ALK: variants seen among roughly 807,000 people sequenced by gnomAD.
ALK encodes the protein ALK tyrosine kinase receptor.
In ALK, 74 loss-of-function variants were observed where a neutral mutation model predicts 163.1. That is an observed-to-expected ratio of 0.45 (90% CI 0.38 to 0.55). ALK has a LOEUF of 0.55. ALK is among the 20% of genes least tolerant of loss of function. ALK has a pLI of 0.00. For synonymous variants in ALK, 960 were observed against 843.2 expected, an observed-to-expected ratio of 1.14 and a Z score of -2.40; for missense variants, 2,063 against 2,105.3, an observed-to-expected ratio of 0.98 and a Z score of 0.39.
intron 1 of ALK, among the ~76,000 whole-genome samples, chr2:29,888,262 A>G (rs4992691): frequency 1.7e-4 from 13 of 78,536 alleles, no homozygotes; most frequent in Non-Finnish European, 3.7e-4. Flanking sequence ...TTTTTTTTTT[A>G]AAAAAAGGGA....
intron 7 of ALK, 44 bp downstream of exon 7, chr2:29,320,707 G>A: frequency 6.2e-7 from 1 of 1,611,710 alleles, no homozygotes; most frequent in Non-Finnish European, 8.5e-7. Context: ...GTCTATGTGG[G>A]CATGAAGATG....
intron 3 of ALK, among the ~76,000 whole-genome samples, chr2:29,603,248 A>C (rs1319705901): frequency 6.6e-6 from 1 of 152,192 alleles, no homozygotes; most frequent in Non-Finnish European, 1.5e-5. Flanking sequence ...AGTTTCAGCT[A>C]ATCTTGTCAG....
intron 4 of ALK, among the ~76,000 whole-genome samples, chr2:29,431,796 C>T (rs1558321148): frequency 6.6e-6 from 1 of 152,036 alleles, no homozygotes. Context: ...AAAGCTTCTC[C>T]CAAAAGGTTC....
intron 3 of ALK, among the ~76,000 whole-genome samples, chr2:29,552,360 T>C (rs1017317546): frequency 3.3e-5 from 5 of 152,168 alleles, no homozygotes; most frequent in Non-Finnish European, 5.9e-5. Flanking sequence ...TGGGGGTGTA[T>C]ATGCAGGAAT....
intron 1 of ALK, among the ~76,000 whole-genome samples, chr2:29,916,201 G>C (rs565928937): frequency 6.6e-6 from 1 of 152,186 alleles, no homozygotes; most frequent in Non-Finnish European, 1.5e-5. Context: ...CATAGTCAGA[G>C]GAATATCAAT....
At chr2:29,912,429 T>G (rs1354340245) in intron 1 of ALK, among the ~76,000 whole-genome samples, 2 of 151,974 alleles carry the variant, frequency 1.3e-5, no homozygotes, top group East Asian at 3.8e-4. Context: ...AGTTAAAGTG[T>G]GGAAAGAAAG....
intron 5 of ALK, among the ~76,000 whole-genome samples, chr2:29,366,864 C>G (rs1351354664): frequency 6.6e-6 from 1 of 152,140 alleles, no homozygotes; most frequent in East Asian, 1.9e-4. Flanking sequence ...AATGGGTTTT[C>G]CAAAGAGCTA....
chr2:29,580,214 C>G (rs1040403603), intron 3 of ALK, among the ~76,000 whole-genome samples: 5 of 152,334 alleles, frequency 3.3e-5, no homozygotes, highest in Admixed American at 2.0e-4. Flanking sequence ...CCCTGCCAGT[C>G]AAACCCATTT....
intron 3 of ALK, among the ~76,000 whole-genome samples, chr2:29,628,000 A>T (rs1558415572): frequency 6.6e-6 from 1 of 152,238 alleles, no homozygotes; most frequent in Non-Finnish European, 1.5e-5. Context: ...TTCAGCATCC[A>T]GTTGAGAAAT....
intron 4 of ALK, among the ~76,000 whole-genome samples, chr2:29,463,043 T>C (rs1273975024): frequency 2.0e-5 from 3 of 152,204 alleles, no homozygotes; most frequent in African/African-American, 7.2e-5. Context: ...GCTGATTGTA[T>C]AATCAAAGTA....
chr2:29,330,027 GGTA>G (rs1667393064), intron 5 of ALK, among the ~76,000 whole-genome samples: 1 of 152,128 alleles, frequency 6.6e-6, no homozygotes, highest in Non-Finnish European at 1.5e-5. Flanking sequence ...TCTTTTCTAG[GGTA>G]GTCCAGATAA....
Position 29,830,997 on chromosome 2 carries a change from GA to G in ALK, c.667+88995del, listed in dbSNP as rs1665373920. On this transcript the variant is annotated intron_variant, in intron 1 of 28. Transcript: ENST00000389048. ...AGAAGAAGAAGAAGAAGAAGAAGAA[GA>G]AGAAGAAGAAGAAGGGGAAGAGGAA... Among the ~76,000 whole-genome samples, 4 of 54,940 alleles carry G rather than the reference GA, an allele frequency of 7.3e-5. 1 individual carries two copies. Among genetic ancestry groups the G allele is most frequent in the East Asian group, 2.5e-3 (2 of 796 alleles). The allele number at this position is 54,940 out of a possible 152,430, so 36.0% of individuals were successfully genotyped here.
At chr2:29,469,931 A>G (rs1022630277) in intron 4 of ALK, among the ~76,000 whole-genome samples, 5 of 152,206 alleles carry the variant, frequency 3.3e-5, no homozygotes, top group Non-Finnish European at 5.9e-5. Flanking sequence ...GGAAAAAAAT[A>G]AAAACAGACC....
intron 3 of ALK, among the ~76,000 whole-genome samples, chr2:29,634,211 C>T (rs1676460702): frequency 1.3e-5 from 2 of 151,890 alleles, no homozygotes; most frequent in South Asian, 4.2e-4. Context: ...GATTCTCCTG[C>T]CTCACCCTCT....
chr2:29,276,434 C>A (rs1399564289), intron 9 of ALK, among the ~76,000 whole-genome samples: 2 of 152,192 alleles, frequency 1.3e-5, no homozygotes, highest in South Asian at 4.1e-4. Context: ...GGAAGGCTAG[C>A]AGAGTCAGCT....
At chr2:29,420,156 T>TAAAAAAAAA in intron 4 of ALK, among the ~76,000 whole-genome samples, 1 of 108,764 alleles carries the variant, frequency 9.2e-6, no homozygotes, top group Non-Finnish European at 1.8e-5. Flanking sequence ...GACCCTGTCT[T>TAAAAAAAAA]AAAAAAAAAA....
chr2:29,710,842 A>C (rs1177939530), intron 2 of ALK, among the ~76,000 whole-genome samples: 1 of 151,812 alleles, frequency 6.6e-6, no homozygotes, highest in Non-Finnish European at 1.5e-5. Context: ...ATAACTCTCC[A>C]TCCACTTCTC....
intron 1 of ALK, among the ~76,000 whole-genome samples, chr2:29,832,531 C>G (rs937586856): frequency 1.3e-5 from 2 of 152,228 alleles, no homozygotes; most frequent in Non-Finnish European, 2.9e-5. Flanking sequence ...ACACGAATGC[C>G]CTACATTTCT....
At chr2:29,720,127 G>A (rs1679379853) in intron 1 of ALK, among the ~76,000 whole-genome samples, 1 of 151,910 alleles carries the variant, frequency 6.6e-6, no homozygotes, top group African/African-American at 2.4e-5. Context: ...CTAGACTTCA[G>A]GGAGCACTTA....
Sources: gnomAD v4.1 joint callset for allele counts (sites outside exome capture counted in the v4.1 genomes callset) on GRCh38, gnomAD v4.1.1 for gene constraint, MANE v1.5 for transcripts, NCBI Gene and HGNC (gene_info 2026-07-23, HGNC 2026-07-21) for gene names.